The following VXN variants were observed in gnomAD, a reference collection of about 807,000 sequenced individuals.
VXN encodes uncharacterized protein C8orf46.
Under a neutral mutation model 23.1 loss-of-function variants are expected in VXN, and 7 were observed. The observed-to-expected ratio is 0.30, with a 90% CI of 0.17 to 0.57. The LOEUF is 0.57. Among genes scored for constraint, VXN ranks in the 20% least tolerant of loss-of-function variants. The probability of loss-of-function intolerance (pLI) is 0.91; values close to 1 mark genes in which losing one functional copy is unlikely to be tolerated. For missense variants in VXN, 238 were observed against 272.6 expected (o/e 0.87, Z 0.89); for synonymous variants, 120 against 105.8 (o/e 1.13, Z -0.83).
rs915717726 is a variant in VXN, at chr8:66,513,537, C to T, written c.343-3C>T. 10 of 1,613,696 alleles carry T rather than the reference C, an allele frequency of 6.2e-6. No homozygotes were observed. The highest frequency in any genetic ancestry group is 8.5e-6 in the Non-Finnish European group (10 of 1,179,730). ...CACACTCCCTCCCGCTTCCTCATGA[C>T]AGATACCGCCAGTGCCCCGGATCTC... On this transcript the variant is annotated splice_region_variant and splice_polypyrimidine_tract_variant and intron_variant, in intron 4 of 5. Coordinates refer to ENST00000305454, the MANE Select transcript of VXN (RefSeq NM_152765.4).
intron 5 of VXN, 73 bp from the exon 6 acceptor site, chr8:66,515,820 C>T: frequency 7.3e-7 from 1 of 1,377,360 alleles, no homozygotes; most frequent in African/African-American, 1.5e-5. Context: ...TCTGGCCACT[C>T]TTCTTAAGGG....
chr8:66,495,384 A>T (rs1807614767), intron 1 of VXN, among the ~76,000 whole-genome samples: 1 of 152,254 alleles, frequency 6.6e-6, no homozygotes, highest in Non-Finnish European at 1.5e-5. Flanking sequence ...ACCTTGGGCA[A>T]GCTACTTAAC....
chr8:66,516,197 C>T lies in VXN; in HGVS notation c.*121C>T. ...GTAGCTGGTCCAAACCCATTATCCTCCCTCACTCATTGATTACCCTGGGAT... is the reference window on the plus strand; with the variant it reads ...GTAGCTGGTCCAAACCCATTATCCTTCCTCACTCATTGATTACCCTGGGAT... On this transcript the variant is annotated 3_prime_UTR_variant, in exon 6 of 6. Coordinates refer to ENST00000305454, the MANE Select transcript of VXN (RefSeq NM_152765.4). 1.2e-6 allele frequency: 1 copy of T among 843,694 alleles called. No homozygotes were observed. Among genetic ancestry groups the T allele is most frequent in the South Asian group, 2.0e-5 (1 of 49,482 alleles). The allele number at this position is 843,694 out of a possible 1,614,324, so 52.3% of individuals were successfully genotyped here.
intron 3 of VXN, among the ~76,000 whole-genome samples, chr8:66,507,959 G>C (rs1807778068): frequency 6.6e-6 from 1 of 152,132 alleles, no homozygotes; most frequent in African/African-American, 2.4e-5. Context: ...GGGGAATCCT[G>C]GGAATTGTAG....
Position 66,516,212 on chromosome 8 carries a change from T to C in VXN, c.*136T>C, listed in dbSNP as rs1807893889. 2.8e-6 allele frequency: 2 copies of C among 702,794 alleles called. No individual in the cohort carries two copies. 43.5% of individuals were successfully genotyped at this position (702,794 alleles called of 1,614,324 possible). A position where few individuals can be genotyped will look rare whatever the true frequency, so the allele number is the denominator to read the frequency against. ...CCATTATCCTCCCTCACTCATTGATTACCCTGGGATAGGGCACAGGAAAGA... is the reference window on the plus strand; with the variant it reads ...CCATTATCCTCCCTCACTCATTGATCACCCTGGGATAGGGCACAGGAAAGA... On this transcript the variant is annotated 3_prime_UTR_variant, in exon 6 of 6. Transcript: ENST00000305454.
chr8:66,503,261 A>G (rs1005126407), intron 2 of VXN: 1 of 152,268 alleles, frequency 6.6e-6, no homozygotes, highest in South Asian at 2.1e-4. Flanking sequence ...AGTAAGACAC[A>G]TGGCCTCTCT....
chr8:66,496,326 C>G (rs551283828), intron 1 of VXN, 111 bp from the exon 2 acceptor site: 8 of 978,542 alleles, frequency 8.2e-6, no homozygotes, highest in Non-Finnish European at 1.3e-5. Context: ...CCCGTCCCCT[C>G]CTCTATGCCC....
intron 4 of VXN, among the ~76,000 whole-genome samples, chr8:66,511,824 T>G (rs1281396303): frequency 6.6e-6 from 1 of 151,832 alleles, no homozygotes; most frequent in Non-Finnish European, 1.5e-5. Flanking sequence ...CCCAGCACTT[T>G]GGGAGGCGGA....
intron 4 of VXN, among the ~76,000 whole-genome samples, chr8:66,511,612 A>G (rs1466767443): frequency 6.6e-6 from 1 of 152,212 alleles, no homozygotes; most frequent in African/African-American, 2.4e-5. Flanking sequence ...CAAGGTCAAG[A>G]GGAGGCAGGT....
In VXN at chr8:66,518,383, G is replaced by C. The variant is rs1324768892; in HGVS notation, c.*2307G>C. On this transcript the variant is annotated 3_prime_UTR_variant, in exon 6 of 6. Transcript: ENST00000305454. ...ATCTTTCATTTGTATGTGGCAGCTA[G>C]AGATTTATATAGGATGGAAGTAATT... 6.6e-6 allele frequency: 1 copy of C among 152,208 alleles called. No homozygotes were observed. Among genetic ancestry groups the C allele is most frequent in the Non-Finnish European group, 1.5e-5 (1 of 68,034 alleles). The allele number at this position is 152,208 out of a possible 1,614,324, so 9.4% of individuals were successfully genotyped here.
chr8:66,517,674 A>C lies in VXN; in HGVS notation c.*1598A>C, dbSNP rs1807912902. ...CTTGTATATTTGTCATCTGTGGCCT[A>C]AACTCTGCCCCTGAAGGTTTGTTTT... On this transcript the variant is annotated 3_prime_UTR_variant, in exon 6 of 6. Transcript: ENST00000305454. The C allele has an allele frequency of 6.6e-6, 1 of 152,244 alleles. No homozygotes were observed. Among genetic ancestry groups the C allele is most frequent in the Admixed American group, 6.5e-5 (1 of 15,288 alleles). The allele number at this position is 152,244 out of a possible 1,614,324, so 9.4% of individuals were successfully genotyped here. A position where few individuals can be genotyped will look rare whatever the true frequency, so the allele number is the denominator to read the frequency against.
chr8:66,501,753 A>G (rs1211812545), intron 2 of VXN, among the ~76,000 whole-genome samples: 1 of 152,194 alleles, frequency 6.6e-6, no homozygotes, highest in East Asian at 1.9e-4. Flanking sequence ...AAGAGAGGCA[A>G]GGTCTCTTAG....
At chr8:66,515,854 G>A (rs1807881852) in intron 5 of VXN, 39 bp from the exon 6 acceptor site, 1 of 1,502,928 alleles carries the variant, frequency 6.7e-7, no homozygotes, top group Non-Finnish European at 8.9e-7. Context: ...TGGCTTGTGA[G>A]CAGACCACCC....
intron 2 of VXN, among the ~76,000 whole-genome samples, chr8:66,499,263 C>T (rs1461779640): frequency 7.6e-6 from 1 of 132,124 alleles, no homozygotes; most frequent in African/African-American, 2.9e-5. Flanking sequence ...GACAGGGTCT[C>T]ACTCTGTCAC....
chr8:66,515,919 A>C lies in VXN; in HGVS notation c.467A>C (p.Glu156Ala). 3 of 1,609,518 alleles carry C rather than the reference A, an allele frequency of 1.9e-6. No homozygotes were observed. Among genetic ancestry groups the C allele is most frequent in the Non-Finnish European group, 2.5e-6 (3 of 1,178,062 alleles). The change falls in exon 6 of 6, where the codon GAA becomes GCA. Residue 156 changes from glutamate to alanine, a missense_variant. Transcript: ENST00000305454. ...TCCAGACATCTCAAGAAGATGACTG[A>C]AGAGTATCCAGCCCTTCCCCAAGGA... Reference protein sequence around the residue: ...RGSRHLKKMTEEYPALPQGAE... With the variant: ...RGSRHLKKMTAEYPALPQGAE...
At chr8:66,515,651 C>G (rs1807879090) in intron 5 of VXN, among the ~76,000 whole-genome samples, 2 of 152,200 alleles carry the variant, frequency 1.3e-5, no homozygotes, top group Non-Finnish European at 2.9e-5. Flanking sequence ...GGGACAGTAG[C>G]AGAACTTGAG....
At chr8:66,505,129 C>T (rs1380986156) in intron 2 of VXN, 1 of 635,964 alleles carries the variant, frequency 1.6e-6, no homozygotes, top group African/African-American at 1.8e-5. Context: ...AACACCCCTG[C>T]CCGCTCCAGA....
intron 2 of VXN, among the ~76,000 whole-genome samples, chr8:66,501,649 T>C (rs1233678061): frequency 6.6e-6 from 1 of 152,214 alleles, no homozygotes; most frequent in African/African-American, 2.4e-5. Flanking sequence ...CTTTTTGCAC[T>C]TTCCTCTGAA....
rs370479039 is a variant in VXN at position 66,510,142 on chromosome 8, A to G, written c.327A>G (p.Ala109=). The change falls in exon 4 of 6, where the codon GCA becomes GCG. Residue 109 remains alanine (A), a synonymous_variant. Transcript: ENST00000305454. ...PKTSNLCGNR[A]YGKSLIPPVP... ...CATCAAATCTGTGTGGGAATCGAGC[A>G]TATGGAAAATCTCTGGTAAGTAAAA... is the stretch of plus-strand genomic sequence containing the variant. The G allele has an allele frequency of 2.9e-5, 46 of 1,612,644 alleles. No individual in the cohort carries two copies. Among genetic ancestry groups the G allele is most frequent in the African/African-American group, 2.5e-4 (19 of 74,860 alleles).
Sources: allele counts gnomAD v4.1 joint callset (sites outside exome capture counted in the v4.1 genomes callset), GRCh38; gene constraint gnomAD v4.1.1; transcripts MANE v1.5; gene names NCBI Gene and HGNC (gene_info 2026-07-23, HGNC 2026-07-21).